ELK4: variants seen among roughly 807,000 people sequenced by gnomAD.
The protein encoded by ELK4 is ETS domain-containing protein Elk-4.
A neutral mutation model predicts 29.6 loss-of-function variants in ELK4; 16 were observed. The observed-to-expected ratio is 0.54, with a 90% CI of 0.37 to 0.82. ELK4 has a LOEUF of 0.82. Among genes scored for constraint, ELK4 ranks in the 40% least tolerant of loss-of-function variants. The pLI is 0.00. For missense variants in ELK4, 465 were observed against 507.1 expected, an observed-to-expected ratio of 0.92 and a Z score of 0.80; for synonymous variants, 213 against 191.1, an observed-to-expected ratio of 1.11 and a Z score of -0.95.
In ELK4 at chr1:205,615,894, T is replaced by C; in HGVS notation, c.*652A>G. 4.6e-6 allele frequency: 1 copy of C among 215,208 alleles called. No homozygotes were observed. The highest frequency in any genetic ancestry group is 9.4e-6 in the Non-Finnish European group (1 of 106,628). The allele number at this position is 215,208 out of a possible 1,614,324, so 13.3% of individuals were successfully genotyped here. A position where few individuals can be genotyped will look rare whatever the true frequency, so the allele number is the denominator to read the frequency against. Reference sequence around the variant, plus strand: ...CTGTTGACAGGTTCAGACAGGATCATACATATGGCTAAGAGATCCACCCTG... The same window carrying C: ...CTGTTGACAGGTTCAGACAGGATCACACATATGGCTAAGAGATCCACCCTG... On this transcript the variant is annotated 3_prime_UTR_variant, in exon 5 of 5. Coordinates refer to ENST00000357992, the MANE Select transcript of ELK4 (RefSeq NM_001973.4).
intron 2 of ELK4, among the ~76,000 whole-genome samples, chr1:205,622,526 G>T (rs1244599287): frequency 6.6e-6 from 1 of 151,944 alleles, no homozygotes. Context: ...CCTGGGCACT[G>T]GGACTACAGG....
chr1:205,616,680 A>T, intron 4 of ELK4, 36 bp from the exon 5 acceptor site: 1 of 1,576,700 alleles, frequency 6.3e-7, no homozygotes, highest in African/African-American at 1.3e-5. Context: ...TCATCCTATT[A>T]CTCAACCCCA....
chr1:205,626,350 C>A (rs1350104193), intron 1 of ELK4, among the ~76,000 whole-genome samples: 1 of 152,204 alleles, frequency 6.6e-6, no homozygotes, highest in Non-Finnish European at 1.5e-5. Flanking sequence ...TTTCTCCTTT[C>A]TTCCCCTTTC....
chr1:205,618,877 G>T, intron 4 of ELK4, 80 bp downstream of exon 4: 1 of 1,058,442 alleles, frequency 9.4e-7, no homozygotes, highest in Non-Finnish European at 1.4e-6. Context: ...TGATTAAACT[G>T]AATAGTGGGA....
At chr1:205,616,760 C>A in intron 4 of ELK4, 116 bp from the exon 5 acceptor site, 1 of 738,550 alleles carries the variant, frequency 1.4e-6, no homozygotes, top group Non-Finnish European at 2.2e-6. Context: ...GCTCACAGGA[C>A]AAAGGCAGTG....
At position 205,612,670 on chromosome 1, in the gene ELK4, C is replaced by T. The variant is rs954429849; in HGVS notation, c.*3876G>A. 2.9e-5 allele frequency: 6 copies of T among 208,520 alleles called. No homozygotes were observed. 12.9% of individuals were successfully genotyped at this position (208,520 alleles called of 1,614,324 possible). A position where few individuals can be genotyped will look rare whatever the true frequency, so the allele number is the denominator to read the frequency against. On this transcript the variant is annotated 3_prime_UTR_variant, in exon 5 of 5. Coordinates refer to ENST00000357992, the MANE Select transcript of ELK4 (RefSeq NM_001973.4). Reference sequence around the variant, plus strand: ...AAACATAAAAGGACACCTTTAAGAACTTAAGAATCATAGTAGAAAGTCAGA... The same window carrying T: ...AAACATAAAAGGACACCTTTAAGAATTTAAGAATCATAGTAGAAAGTCAGA...
At chr1:205,617,341 T>C (rs1321250281) in intron 4 of ELK4, among the ~76,000 whole-genome samples, 1 of 152,096 alleles carries the variant, frequency 6.6e-6, no homozygotes, top group Non-Finnish European at 1.5e-5. Context: ...AATTACAAAA[T>C]ATAAGAAAAT....
intron 1 of ELK4, among the ~76,000 whole-genome samples, chr1:205,628,641 A>T (rs1234650624): frequency 6.6e-6 from 1 of 152,190 alleles, no homozygotes; most frequent in African/African-American, 2.4e-5. Context: ...AAAAACAACA[A>T]ATTAACGTCT....
rs528325585 is a variant in ELK4 at position 205,613,145 on chromosome 1, T to G, written c.*3401A>C. 4 of 195,230 alleles carry G rather than the reference T, an allele frequency of 2.0e-5. No individual in the cohort carries two copies. The East Asian group carries it at 3.2e-4, about 16-fold the overall frequency. The allele number at this position is 195,230 out of a possible 1,614,324, so 12.1% of individuals were successfully genotyped here. ...AAAGTATGCCATGAGCAATATAACA[T>G]CACAAACGTACTGTGACAAACCATT... On this transcript the variant is annotated 3_prime_UTR_variant, in exon 5 of 5. Coordinates refer to ENST00000357992, the MANE Select transcript of ELK4 (RefSeq NM_001973.4).
rs1451705177 is a variant in ELK4 at position 205,616,486 on chromosome 1, C to T, written c.*60G>A. ...AACTATCAATTGCTCACTTCAAATG[C>T]AATCATGTTGAATGTCTGTTTCTTC... On this transcript the variant is annotated 3_prime_UTR_variant, in exon 5 of 5. Transcript: ENST00000357992. 1.8e-5 allele frequency: 26 copies of T among 1,460,456 alleles called. No homozygotes were observed. The highest frequency in any genetic ancestry group is 2.1e-5 in the Non-Finnish European group (22 of 1,043,626). The allele number at this position is 1,460,456 out of a possible 1,614,324, so 90.5% of individuals were successfully genotyped here.
At chr1:205,618,692 G>A (rs1045191247) in intron 4 of ELK4, among the ~76,000 whole-genome samples, 2 of 152,058 alleles carry the variant, frequency 1.3e-5, no homozygotes, top group Non-Finnish European at 1.5e-5. Context: ...ACGTGGTGTT[G>A]CACACCTGTA....
rs1175843897 is a variant in ELK4, at chr1:205,609,702, G to C, written c.*6844C>G. On this transcript the variant is annotated 3_prime_UTR_variant, in exon 5 of 5. Transcript: ENST00000357992. ...TACACAATAGACAATAAGCAACAAT[G>C]ACCAAACAGAAAAGAAACTTAAAAT... 15 of 207,260 alleles carry C rather than the reference G, an allele frequency of 7.2e-5. No homozygotes were observed. Among genetic ancestry groups the C allele is most frequent in the Non-Finnish European group, 1.4e-4 (14 of 101,498 alleles). 12.8% of individuals were successfully genotyped at this position (207,260 alleles called of 1,614,324 possible).
rs1315414782 is a variant in ELK4 at position 205,631,820 on chromosome 1, C to G, written c.-198G>C. 2.0e-5 allele frequency: 3 copies of G among 151,596 alleles called. No homozygotes were observed. Among genetic ancestry groups the G allele is most frequent in the South Asian group, 2.0e-4 (1 of 4,924 alleles). 9.4% of individuals were successfully genotyped at this position (151,596 alleles called of 1,614,324 possible). On this transcript the variant is annotated 5_prime_UTR_variant, in exon 1 of 5. Transcript: ENST00000357992. ...GGTGCCCGCAGCCGCCCGCATCTCC[C>G]GCCGCCGCGGCTCCTGGCGCCCCGC... is the stretch of plus-strand genomic sequence containing the variant.
In ELK4 at chr1:205,619,057, G is replaced by A; in HGVS notation, c.1097C>T (p.Thr366Ile). The change falls in exon 4 of 5, where the codon ACT (threonine) becomes ATT (isoleucine). Residue 366 changes from threonine to isoleucine, a missense_variant. Coordinates refer to ENST00000357992, the MANE Select transcript of ELK4 (RefSeq NM_001973.4). The stretch of plus-strand genomic sequence containing the variant: ...GATACTGGAGAGCAAGGGGCTTGGA[G>A]TCAGTATGATGGGTGTCTGCAATAC... Reference protein sequence around the residue: ...AFFSQTPIILTPSPLLSSIHF... With the variant: ...AFFSQTPIILIPSPLLSSIHF... 6.2e-7 allele frequency: 1 copy of A among 1,601,542 alleles called. No homozygotes were observed. Among genetic ancestry groups the A allele is most frequent in the Non-Finnish European group, 8.5e-7 (1 of 1,175,610 alleles).
rs1670330520 is a variant in ELK4, at chr1:205,620,927, T to G, written c.208-89A>C. The G allele has an allele frequency of 2.5e-5, 35 of 1,383,648 alleles. No homozygotes were observed. In the South Asian group the frequency reaches 5.1e-4, roughly 20 times the overall value. 85.7% of individuals were successfully genotyped at this position (1,383,648 alleles called of 1,614,324 possible). ...AAAAGCTGGCATCGGCCAGGCACAG[T>G]GGCTCATGCCTGTAATCCCAGCACT... On this transcript the variant is annotated intron_variant, in intron 2 of 4. Transcript: ENST00000357992.
chr1:205,630,880 C>CTG (rs2102388741), intron 1 of ELK4, among the ~76,000 whole-genome samples: 1 of 152,334 alleles, frequency 6.6e-6, no homozygotes, highest in South Asian at 2.1e-4. Flanking sequence ...TCTGATCTAT[C>CTG]AACCAAAGAG....
intron 1 of ELK4, 97 bp from the exon 2 acceptor site, chr1:205,623,988 A>G: frequency 9.2e-7 from 1 of 1,089,554 alleles, no homozygotes; most frequent in Non-Finnish European, 1.3e-6. Flanking sequence ...AAATGTATTA[A>G]TTCATCCCCA....
chr1:205,608,834 C>T lies in ELK4; in HGVS notation c.*7712G>A, dbSNP rs138126892. The T allele has an allele frequency of 1.7e-4, 33 of 196,930 alleles. No homozygotes were observed. The Middle Eastern group carries it at 0.011, about 65-fold the overall frequency. 12.2% of individuals were successfully genotyped at this position (196,930 alleles called of 1,614,324 possible). A position where few individuals can be genotyped will look rare whatever the true frequency, so the allele number is the denominator to read the frequency against. ...TGAGCTGACAGGTTTGAAGAAAGCA[C>T]TCTTGACATGTTCTTACTACCACAT... is the stretch of plus-strand genomic sequence containing the variant. On this transcript the variant is annotated 3_prime_UTR_variant, in exon 5 of 5. Transcript: ENST00000357992.
At position 205,620,242 on chromosome 1, in the gene ELK4, A is replaced by C. The variant is rs546074477; in HGVS notation, c.804T>G (p.Pro268=). Residue 268 remains proline (P), a synonymous_variant, in exon 3 of 5, where the codon CCT becomes CCG. Transcript: ENST00000357992. ...CTGGGTGAGAACTCAGTGGTGGTGA[A>C]GGTGTTCTGGGAGGTTCCTGCAAAG... is the stretch of plus-strand genomic sequence containing the variant. ...IPPLQEPPRT[P]SPPLSSHPDI... 6.2e-7 allele frequency: 1 copy of C among 1,614,174 alleles called. No individual in the cohort carries two copies. The highest frequency in any genetic ancestry group is 1.3e-5 in the African/African-American group (1 of 75,048).
Sources: allele counts gnomAD v4.1 joint callset (sites outside exome capture counted in the v4.1 genomes callset), GRCh38; gene constraint gnomAD v4.1.1; transcripts MANE v1.5; gene names NCBI Gene and HGNC (gene_info 2026-07-23, HGNC 2026-07-21).